UPF2: variants seen among roughly 807,000 people sequenced by gnomAD.
The protein encoded by UPF2 is UPF2 regulator of nonsense mediated mRNA decay.
A neutral mutation model predicts 141.4 loss-of-function variants in UPF2; 17 were observed. The observed-to-expected ratio is 0.12, with a 90% CI of 0.08 to 0.18. The LOEUF (loss-of-function observed/expected upper bound fraction) is 0.18. Among genes scored for constraint, UPF2 ranks in the 10% least tolerant of loss-of-function variants. The probability of loss-of-function intolerance (pLI) is 1.00; values close to 1 mark genes in which losing one functional copy is unlikely to be tolerated. For missense variants in UPF2, 1,152 were observed against 1,515.9 expected, an observed-to-expected ratio of 0.76 and a Z score of 3.99; for synonymous variants, 540 against 498.0, an observed-to-expected ratio of 1.08 and a Z score of -1.12.
chr10:12,007,431 G>A (rs1834052244), intron 4 of UPF2, among the ~76,000 whole-genome samples: 1 of 152,084 alleles, frequency 6.6e-6, no homozygotes, highest in Non-Finnish European at 1.5e-5. Flanking sequence ...TTCAACTTTT[G>A]AGAGGTAAAA....
At chr10:11,941,512 T>C (rs965807089) in intron 18 of UPF2, among the ~76,000 whole-genome samples, 1 of 152,090 alleles carries the variant, frequency 6.6e-6, no homozygotes, top group South Asian at 2.1e-4. Context: ...ATATTTCAAC[T>C]CTAAAGGACT....
In UPF2 at chr10:12,014,603, T is replaced by A. The variant is rs1374513857; in HGVS notation, c.1146-419A>T. ...ACCTCCATGATTTGAATCAGAAATA[T>A]CATATTTAACAATATATCACAAAAT... is the stretch of plus-strand genomic sequence containing the variant. On this transcript the variant is annotated intron_variant, in intron 3 of 21. Transcript: ENST00000357604. This position sits in a 1 kb window ranked among gnomAD's most constrained non-coding sequence, Gnocchi z 5.0. 1.3e-5 allele frequency among the ~76,000 whole-genome samples: 2 copies of A among 152,208 alleles called. No homozygotes were observed. Among genetic ancestry groups the A allele is most frequent in the African/African-American group, 4.8e-5 (2 of 41,448 alleles).
rs191477573 is a variant in UPF2, at chr10:11,980,865, G to C, written c.1845-1700C>G. Among the ~76,000 whole-genome samples the C allele has an allele frequency of 2.4e-3, 365 of 152,136 alleles. 1 individual carries two copies. The highest frequency in any genetic ancestry group is 5.6e-3 in the Admixed American group (86 of 15,278). ...TGGATACATTAACCCTTAGCTAAAG[G>C]GACACTGAAAAAAGAAGGATGGAAA... On this transcript the variant is annotated intron_variant, in intron 8 of 21. Transcript: ENST00000357604. This position sits in a 1 kb window ranked among gnomAD's most constrained non-coding sequence, Gnocchi z 4.2.
At chr10:12,000,872 A>T (rs1833940060) in intron 6 of UPF2, among the ~76,000 whole-genome samples, 1 of 152,236 alleles carries the variant, frequency 6.6e-6, no homozygotes, top group South Asian at 2.1e-4. Flanking sequence ...TTTAGGGAAT[A>T]AATGTAATAT....
At chr10:11,945,457 G>A (rs974016101) in intron 16 of UPF2, among the ~76,000 whole-genome samples, 3 of 152,074 alleles carry the variant, frequency 2.0e-5, no homozygotes, top group Non-Finnish European at 4.4e-5. Flanking sequence ...AACTGGTCTT[G>A]GGGTGAAAGG....
chr10:12,039,366 G>C (rs1292191683), intron 1 of UPF2, among the ~76,000 whole-genome samples: 1 of 152,128 alleles, frequency 6.6e-6, no homozygotes, highest in African/African-American at 2.4e-5. Context: ...CTCAAGAGTA[G>C]AAAGAATCCT....
At chr10:11,948,247 C>CAAAAAAAAACAA (rs1833028642) in intron 16 of UPF2, 122 bp downstream of exon 16, 1 of 435,344 alleles carries the variant, frequency 2.3e-6, no homozygotes, top group Non-Finnish European at 3.3e-6. Flanking sequence ...GACTCTGTCT[C>CAAAAAAAAACAA]AAAAAAAAAA....
At position 11,997,764 on chromosome 10, in the gene UPF2, G is replaced by A; in HGVS notation, c.1759-7C>T. 2 of 1,613,170 alleles carry A rather than the reference G, an allele frequency of 1.2e-6. No individual in the cohort carries two copies. The highest frequency in any genetic ancestry group is 1.7e-6 in the Non-Finnish European group (2 of 1,179,522). On this transcript the variant is annotated splice_polypyrimidine_tract_variant and splice_region_variant and intron_variant, in intron 7 of 21. Transcript: ENST00000357604. ...TGCAAAAATCCATTGCTGCCTATTG[G>A]GAAAAAGTAAACTTTTTCTTTAAAA...
chr10:11,939,427 C>G lies in UPF2; in HGVS notation c.3379-2715G>C, dbSNP rs987514173. Among the ~76,000 whole-genome samples the G allele has an allele frequency of 2.6e-5, 4 of 152,008 alleles. No homozygotes were observed. In the East Asian group the frequency reaches 7.7e-4, roughly 29 times the overall value. On this transcript the variant is annotated intron_variant, in intron 18 of 21. Coordinates refer to ENST00000357604, the MANE Select transcript of UPF2 (RefSeq NM_015542.4). The surrounding 1 kb of genome is among the most constrained non-coding windows in gnomAD (Gnocchi z 4.8). Reference sequence around the variant, plus strand: ...ACGTTATCTTCATCATATTACTAAACGGTCATGTTTTGGGTCTATTTTGGA... The same window carrying G: ...ACGTTATCTTCATCATATTACTAAAGGGTCATGTTTTGGGTCTATTTTGGA...
At chr10:11,994,733 T>C (rs1833836728) in intron 8 of UPF2, among the ~76,000 whole-genome samples, 1 of 151,948 alleles carries the variant, frequency 6.6e-6, no homozygotes, top group Non-Finnish European at 1.5e-5. Context: ...TCCCAGCACT[T>C]TGGGAGGCCG....
chr10:12,011,285 G>A (rs988973768), intron 4 of UPF2, among the ~76,000 whole-genome samples: 9 of 152,146 alleles, frequency 5.9e-5, no homozygotes, highest in South Asian at 2.1e-4. Context: ...CCATCATGCC[G>A]GGCCAAAAAG....
intron 19 of UPF2, among the ~76,000 whole-genome samples, chr10:11,932,050 G>T (rs1453781287): frequency 1.3e-5 from 2 of 152,082 alleles, no homozygotes; most frequent in African/African-American, 4.8e-5. Context: ...CCGGGAGGCT[G>T]AGGCAGGAGA....
At chr10:11,948,633 G>T in intron 15 of UPF2, 125 bp from the exon 16 acceptor site, 2 of 1,116,444 alleles carry the variant, frequency 1.8e-6, no homozygotes, top group South Asian at 1.7e-5. Flanking sequence ...CAGAACAAAG[G>T]TAAAAGAATT....
chr10:12,033,298 G>C (rs962636034), intron 2 of UPF2, among the ~76,000 whole-genome samples: 14 of 152,106 alleles, frequency 9.2e-5, no homozygotes, highest in Non-Finnish European at 2.1e-4. Flanking sequence ...CACTTTGGGA[G>C]GCTGAGGCAG....
chr10:11,995,391 C>A (rs894135144), intron 8 of UPF2, among the ~76,000 whole-genome samples: 8 of 152,170 alleles, frequency 5.3e-5, no homozygotes, highest in Non-Finnish European at 1.0e-4. Flanking sequence ...AATTTTATCA[C>A]CTTTCACATG....
intron 21 of UPF2, among the ~76,000 whole-genome samples, chr10:11,926,378 A>G (rs1487756413): frequency 6.6e-6 from 1 of 152,160 alleles, no homozygotes; most frequent in South Asian, 2.1e-4. Context: ...GGAGACCTGG[A>G]TGGAAGTCAG....
rs565923062 is a variant in UPF2, at chr10:11,935,107, C to T, written c.3546+1438G>A. 6.6e-6 allele frequency among the ~76,000 whole-genome samples: 1 copy of T among 152,220 alleles called. No homozygotes were observed. The highest frequency in any genetic ancestry group is 1.9e-4 in the East Asian group (1 of 5,180). On this transcript the variant is annotated intron_variant, in intron 19 of 21. Coordinates refer to ENST00000357604, the MANE Select transcript of UPF2 (RefSeq NM_015542.4). This position sits in a 1 kb window ranked among gnomAD's most constrained non-coding sequence, Gnocchi z 4.9. ...GAGGCTGTGCTAGTGGGGAGGACAT[C>T]TCAGATGCAACTTATTGTAGGGTCT...
chr10:11,972,851 C>T (rs572441518), intron 9 of UPF2, among the ~76,000 whole-genome samples: 6 of 152,180 alleles, frequency 3.9e-5, no homozygotes, highest in South Asian at 2.1e-4. Context: ...CATACGTGTG[C>T]GTGTGTCTTT....
Position 11,940,410 on chromosome 10 carries a change from G to A in UPF2, c.3378+2255C>T, listed in dbSNP as rs567783780. On this transcript the variant is annotated intron_variant, in intron 18 of 21. Transcript: ENST00000357604. This position sits in a 1 kb window ranked among gnomAD's most constrained non-coding sequence, Gnocchi z 4.2. ...ACACCGGGGATGAATCATTTGTTCC[G>A]ATGCTTTCAATATACTCTACCCATC... Among the ~76,000 whole-genome samples the A allele has an allele frequency of 7.9e-5, 12 of 152,052 alleles. No individual in the cohort carries two copies. Among genetic ancestry groups the A allele is most frequent in the East Asian group, 1.9e-4 (1 of 5,194 alleles).
Sources: allele counts gnomAD v4.1 joint callset (sites outside exome capture counted in the v4.1 genomes callset), GRCh38; gene constraint gnomAD v4.1.1; non-coding constraint Gnocchi (gnomAD v3.1); transcripts MANE v1.5; gene names NCBI Gene and HGNC (gene_info 2026-07-23, HGNC 2026-07-21).